The following CHN2 variants were observed in gnomAD, a reference collection of about 807,000 sequenced individuals.
The protein encoded by CHN2 is beta-chimaerin.
In CHN2, 35 loss-of-function variants were observed where a neutral mutation model predicts 56.3. The ratio of observed to expected loss-of-function variants is 0.62; its 90% CI spans 0.47 to 0.82. CHN2 has a LOEUF of 0.82. CHN2 is among the 40% of genes least tolerant of loss of function. CHN2 has a pLI of 0.00. For missense variants in CHN2, 491 were observed against 580.5 expected, an observed-to-expected ratio of 0.85 and a Z score of 1.58; for synonymous variants, 210 against 212.8, an observed-to-expected ratio of 0.99 and a Z score of 0.12.
chr7:29,434,242 C>A (rs1783059666), intron 6 of CHN2, among the ~76,000 whole-genome samples: 1 of 152,180 alleles, frequency 6.6e-6, no homozygotes, highest in Non-Finnish European at 1.5e-5. Flanking sequence ...CTGATTATAA[C>A]TCGTCTGCAT....
chr7:29,324,412 C>T (rs1179696551), intron 1 of CHN2, among the ~76,000 whole-genome samples: 6 of 152,152 alleles, frequency 3.9e-5, no homozygotes. Context: ...TCAAAGTCCG[C>T]TTGGCCCAAA....
intron 1 of CHN2, among the ~76,000 whole-genome samples, chr7:29,196,858 T>C (rs564012929): frequency 6.6e-6 from 1 of 152,362 alleles, no homozygotes; most frequent in South Asian, 2.1e-4. Flanking sequence ...TTCTTTTTCC[T>C]GCTTTATTTA....
At chr7:29,253,223 C>G (rs889396375) in intron 1 of CHN2, among the ~76,000 whole-genome samples, 3 of 152,124 alleles carry the variant, frequency 2.0e-5, no homozygotes, top group African/African-American at 7.2e-5. Flanking sequence ...CATCAGGGAC[C>G]CAGGCTTCTT....
intron 3 of CHN2, among the ~76,000 whole-genome samples, chr7:29,392,208 G>A (rs905471260): frequency 1.3e-5 from 2 of 151,898 alleles, no homozygotes; most frequent in African/African-American, 4.8e-5. Context: ...TTTCTTCTCT[G>A]GCATGTTGGT....
At chr7:29,452,209 A>G (rs976596355) in intron 6 of CHN2, among the ~76,000 whole-genome samples, 1 of 152,126 alleles carries the variant, frequency 6.6e-6, no homozygotes, top group South Asian at 2.1e-4. Flanking sequence ...TTTTATTTCT[A>G]GTTTGCTTCT....
intron 6 of CHN2, among the ~76,000 whole-genome samples, chr7:29,417,335 T>C (rs1379380377): frequency 1.4e-4 from 3 of 21,568 alleles, no homozygotes; most frequent in East Asian, 2.3e-3. Flanking sequence ...CTGTAACCCT[T>C]TTTTTTTTTT....
chr7:29,182,030 T>A (rs1798121914), intron 2 of CHN2, among the ~76,000 whole-genome samples: 1 of 152,246 alleles, frequency 6.6e-6, no homozygotes, highest in South Asian at 2.1e-4. Flanking sequence ...TTTTTCTTAC[T>A]TAAATTATAA....
At chr7:29,185,487 A>T (rs1798597715) in intron 2 of CHN2, 1 of 152,208 alleles carries the variant, frequency 6.6e-6, no homozygotes, top group Non-Finnish European at 1.5e-5. Context: ...ATCCCGGCAA[A>T]AACATGGAGC....
intron 6 of CHN2, among the ~76,000 whole-genome samples, chr7:29,457,973 C>G (rs1180982609): frequency 6.6e-6 from 1 of 152,188 alleles, no homozygotes; most frequent in Non-Finnish European, 1.5e-5. Context: ...ATGTTACTGT[C>G]TCTGAAATTT....
intron 1 of CHN2, among the ~76,000 whole-genome samples, chr7:29,244,331 T>A (rs1349494723): frequency 6.6e-6 from 1 of 152,094 alleles, no homozygotes; most frequent in Non-Finnish European, 1.5e-5. Context: ...AAGCATACAA[T>A]CCACCTCCCA....
intron 1 of CHN2, 42 bp downstream of exon 1, chr7:29,195,032 C>A: frequency 6.4e-7 from 1 of 1,569,522 alleles, no homozygotes. Context: ...CGCCGGGTCT[C>A]GCCCCACTGC....
intron 8 of CHN2, among the ~76,000 whole-genome samples, chr7:29,497,464 GT>G (rs1190470164): frequency 2.0e-5 from 3 of 151,300 alleles, no homozygotes; most frequent in African/African-American, 7.3e-5. Flanking sequence ...GGATAAAAGC[GT>G]TTTTGTGGGG....
chr7:29,415,018 G>T (rs116314777), intron 6 of CHN2, among the ~76,000 whole-genome samples: 1 of 152,068 alleles, frequency 6.6e-6, no homozygotes, highest in Non-Finnish European at 1.5e-5. Flanking sequence ...ACACCCCACC[G>T]GCGTGTTCTT....
chr7:29,223,330 T>A (rs1785943747), intron 1 of CHN2, among the ~76,000 whole-genome samples: 1 of 152,130 alleles, frequency 6.6e-6, no homozygotes, highest in Non-Finnish European at 1.5e-5. Context: ...CCCAAACCCC[T>A]CTCATTTAGT....
chr7:29,437,620 TA>T (rs1209758059), intron 6 of CHN2, among the ~76,000 whole-genome samples: 7 of 148,952 alleles, frequency 4.7e-5, no homozygotes, highest in Non-Finnish European at 7.4e-5. Context: ...AAAAGATATC[TA>T]AAACCATAAT....
In CHN2 at chr7:29,197,840, G is replaced by A. The variant is rs1207848922; in HGVS notation, c.49+2850G>A. 15 of 448,246 alleles carry A rather than the reference G, an allele frequency of 3.3e-5. 1 individual carries two copies. Among genetic ancestry groups the A allele is most frequent in the South Asian group, 2.2e-4 (14 of 63,552 alleles). 27.8% of individuals were successfully genotyped at this position (448,246 alleles called of 1,614,324 possible). The stretch of plus-strand genomic sequence containing the variant: ...CTGTGGAGAAGGGTGCAGAGGAGAG[G>A]AATTGACTTAGTCAAATTAGAGGGG... On this transcript the variant is annotated intron_variant, in intron 1 of 12. Transcript: ENST00000222792.
At chr7:29,352,896 G>A (rs953139419) in intron 1 of CHN2, among the ~76,000 whole-genome samples, 1 of 152,196 alleles carries the variant, frequency 6.6e-6, no homozygotes, top group African/African-American at 2.4e-5. Flanking sequence ...TTAACCCATT[G>A]AAATTGATTT....
chr7:29,309,184 T>C (rs913991983), intron 1 of CHN2, among the ~76,000 whole-genome samples: 2 of 152,134 alleles, frequency 1.3e-5, no homozygotes, highest in African/African-American at 4.8e-5. Flanking sequence ...TTTTTTTTGT[T>C]TTTGTTTTTG....
chr7:29,165,488 T>C (rs1795795288), intron 2 of CHN2, among the ~76,000 whole-genome samples: 2 of 152,212 alleles, frequency 1.3e-5, no homozygotes, highest in South Asian at 2.1e-4. Context: ...CACAGTCATG[T>C]TGTCTGTTAA....
Sources: gnomAD v4.1 joint callset for allele counts (sites outside exome capture counted in the v4.1 genomes callset) on GRCh38, gnomAD v4.1.1 for gene constraint, MANE v1.5 for transcripts, NCBI Gene and HGNC (gene_info 2026-07-23, HGNC 2026-07-21) for gene names.